The following MTMR4 variants were observed in gnomAD, a reference collection of about 807,000 sequenced individuals.
MTMR4 encodes the protein phosphatidylinositol-3,5-bisphosphate 3-phosphatase MTMR4.
In MTMR4, 30 loss-of-function variants were observed where a neutral mutation model predicts 125.5. That is an observed-to-expected ratio of 0.24 (90% confidence interval 0.18 to 0.32). MTMR4 has a LOEUF of 0.32. MTMR4 is among the 10% of genes least tolerant of loss of function. MTMR4 has a pLI of 1.00. For synonymous variants in MTMR4, 498 were observed against 564.5 expected (o/e 0.88, Z 1.67); for missense variants, 1,039 against 1,511.5 (o/e 0.69, Z 5.18).
chr17:58,515,054 G>C (rs1976051684), upstream of MTMR4: 1 of 985,328 alleles, frequency 1.0e-6, no homozygotes. Flanking sequence ...TTTCCCCTTA[G>C]AATGGTGCCA....
At chr17:58,497,616 G>A (rs550394690) in intron 14 of MTMR4, among the ~76,000 whole-genome samples, 1 of 152,310 alleles carries the variant, frequency 6.6e-6, no homozygotes, top group Non-Finnish European at 1.5e-5. Flanking sequence ...TCCCTCTACT[G>A]AAGTGTCCTG....
At chr17:58,503,938 C>A (rs2143890120) in intron 13 of MTMR4, 40 bp from the exon 14 acceptor site, 1 of 1,591,156 alleles carries the variant, frequency 6.3e-7, no homozygotes, top group East Asian at 2.2e-5. Flanking sequence ...GTCAAGAGTT[C>A]CTTGTCCTTT....
rs1361185986 is a variant in MTMR4, at chr17:58,491,119, T to G, written c.*544A>C. On this transcript the variant is annotated 3_prime_UTR_variant, in exon 18 of 18. Transcript: ENST00000682306. ...TGCTGAGCCAGTCTTCAAACCAAAC[T>G]CCACAGAAAGACAGTACTAATGCAA... 1 of 152,550 alleles carries G rather than the reference T, an allele frequency of 6.6e-6. No homozygotes were observed. Among genetic ancestry groups the G allele is most frequent in the Non-Finnish European group, 1.5e-5 (1 of 68,070 alleles). The allele number at this position is 152,550 out of a possible 1,614,324, so 9.4% of individuals were successfully genotyped here.
intron 14 of MTMR4, 77 bp from the exon 15 acceptor site, chr17:58,496,407 G>T: frequency 8.2e-7 from 1 of 1,222,052 alleles, no homozygotes; most frequent in Non-Finnish European, 1.1e-6. Flanking sequence ...AATCAATGGA[G>T]CAATATCAAA....
At position 58,497,400 on chromosome 17, in the gene MTMR4, T is replaced by C. The variant is rs201354388; in HGVS notation, c.1854-1070A>G. On this transcript the variant is annotated intron_variant, in intron 14 of 17. Transcript: ENST00000682306. ...TATCATTATAGTTCCTGGAGTCCCA[T>C]AGGCAGGGTTCAAATCCCAATTTAA... is the stretch of plus-strand genomic sequence containing the variant. Among the ~76,000 whole-genome samples the C allele has an allele frequency of 1.8e-4, 28 of 152,328 alleles. No individual in the cohort carries two copies. The East Asian group carries it at 5.4e-3, about 29-fold the overall frequency.
chr17:58,499,739 C>G (rs1975569895), intron 14 of MTMR4, among the ~76,000 whole-genome samples: 1 of 151,814 alleles, frequency 6.6e-6, no homozygotes, highest in South Asian at 2.1e-4. Context: ...TCTCCTGCCT[C>G]AGCCTCCAGA....
upstream of MTMR4, among the ~76,000 whole-genome samples, chr17:58,517,118 C>G (rs2042028380): frequency 6.6e-6 from 1 of 152,196 alleles, no homozygotes. Flanking sequence ...CAGAGTGGGA[C>G]AAGAGGGAGG....
In MTMR4 at chr17:58,504,188, G is replaced by A. The variant is rs761733559; in HGVS notation, c.1560C>T (p.Leu520=). 4 of 1,610,288 alleles carry A rather than the reference G, an allele frequency of 2.5e-6. No individual in the cohort carries two copies. The highest frequency in any genetic ancestry group is 2.2e-5 in the South Asian group (2 of 90,510). ...VKLVQHTYSC[L]YGTFLANNPC... ...GGTTGTTGGCCAGGAAGGTGCCGTA[G>A]AGGCAGGAGTATGTGTGTTGCACCA... is the stretch of plus-strand genomic sequence containing the variant. Residue 520 remains leucine, a synonymous_variant, in exon 13 of 18, where the codon CTC becomes CTT. Coordinates refer to ENST00000682306, the MANE Select transcript of MTMR4 (RefSeq NM_001378067.1). This position sits in a 1 kb window ranked among gnomAD's most constrained non-coding sequence, Gnocchi z 7.1.
chr17:58,514,327 G>A (rs1976024319), intron 1 of MTMR4, 36 bp downstream of exon 1: 3 of 987,982 alleles, frequency 3.0e-6, no homozygotes, highest in Non-Finnish European at 2.4e-6. Context: ...GGCTGCGGGT[G>A]CCTCCTAGGC....
chr17:58,497,642 C>A (rs1367111075), intron 14 of MTMR4, among the ~76,000 whole-genome samples: 1 of 152,218 alleles, frequency 6.6e-6, no homozygotes, highest in African/African-American at 2.4e-5. Context: ...AGGACTCTGT[C>A]TTATTTGAAT....
Position 58,494,954 on chromosome 17 carries a change from G to C in MTMR4, c.3230C>G (p.Pro1077Arg), listed in dbSNP as rs1263368236. The C allele has an allele frequency of 6.2e-7, 1 of 1,613,954 alleles. No homozygotes were observed. Among genetic ancestry groups the C allele is most frequent in the Non-Finnish European group, 8.5e-7 (1 of 1,179,982 alleles). Residue 1077 changes from proline (P) to arginine (R), a missense_variant, in exon 15 of 18, where the codon CCC becomes CGC. This residue lies in a region of MTMR4 where 619 missense variants were observed against 714.5 expected (regional missense o/e 0.87). Transcript: ENST00000682306. ...RHCCAPPAEP[P>R]MDYEDDFTCL... ...TACAAAATCATCCTCATAGTCCATG[G>C]GGGGCTCTGCTGGAGGGGCACAGCA...
intron 14 of MTMR4, among the ~76,000 whole-genome samples, chr17:58,499,320 G>A (rs546429180): frequency 5.5e-4 from 83 of 151,430 alleles, no homozygotes; most frequent in African/African-American, 2.0e-3. Flanking sequence ...GCCAAGGTGA[G>A]CGGATCACTT....
In MTMR4 at chr17:58,504,652, G is replaced by GA. The variant is rs151135861; in HGVS notation, c.1341+126dup. The GA allele has an allele frequency of 6.8e-4, 892 of 1,318,864 alleles. 1 individual carries two copies. The highest frequency in any genetic ancestry group is 8.1e-4 in the South Asian group (54 of 66,702). 81.7% of individuals were successfully genotyped at this position (1,318,864 alleles called of 1,614,324 possible). A position where few individuals can be genotyped will look rare whatever the true frequency, so the allele number is the denominator to read the frequency against. ...CAATTTTCCAAGCCTTTGGGAGTTGGAAAAAAAAAGAAAAAAAGAGCCACC... is the reference window on the plus strand; with the variant it reads ...CAATTTTCCAAGCCTTTGGGAGTTGGAAAAAAAAAAGAAAAAAAGAGCCACC... On this transcript the variant is annotated intron_variant, in intron 11 of 17. Coordinates refer to ENST00000682306, the MANE Select transcript of MTMR4 (RefSeq NM_001378067.1). This position sits in a 1 kb window ranked among gnomAD's most constrained non-coding sequence, Gnocchi z 7.1.
At chr17:58,516,012 AAATT>A (rs568375445), upstream of MTMR4, among the ~76,000 whole-genome samples, 72 of 152,328 alleles carry the variant, frequency 4.7e-4, no homozygotes, top group African/African-American at 1.6e-3. Flanking sequence ...AGTTAATGGA[AAATT>A]AATAGGATCA....
intron 9 of MTMR4, 141 bp from the exon 10 acceptor site, chr17:58,505,724 A>G (rs1192651715): frequency 4.1e-6 from 2 of 482,728 alleles, no homozygotes; most frequent in Non-Finnish European, 7.9e-6. Flanking sequence ...CCTGACTAAC[A>G]CAGTGAAACC....
At position 58,504,747 on chromosome 17, in the gene MTMR4, T is replaced by G; in HGVS notation, c.1341+32A>C. 3 of 1,571,048 alleles carry G rather than the reference T, an allele frequency of 1.9e-6. No homozygotes were observed. Among genetic ancestry groups the G allele is most frequent in the Non-Finnish European group, 2.6e-6 (3 of 1,154,118 alleles). ...AACACCTTCCCTCCTGCCACATTCCTTCTGGTTTTCCCACCGAATTCCTCT... is the reference window on the plus strand; with the variant it reads ...AACACCTTCCCTCCTGCCACATTCCGTCTGGTTTTCCCACCGAATTCCTCT... On this transcript the variant is annotated intron_variant, in intron 11 of 17. Coordinates refer to ENST00000682306, the MANE Select transcript of MTMR4 (RefSeq NM_001378067.1). This position sits in a 1 kb window ranked among gnomAD's most constrained non-coding sequence, Gnocchi z 7.1.
intron 1 of MTMR4, among the ~76,000 whole-genome samples, chr17:58,513,788 C>A (rs1186298392): frequency 6.6e-6 from 1 of 151,938 alleles, no homozygotes; most frequent in African/African-American, 2.4e-5. Flanking sequence ...GGAGCATCAG[C>A]CAGAGCGGGA....
intron 9 of MTMR4, 103 bp downstream of exon 9, chr17:58,506,640 G>T: frequency 2.7e-6 from 4 of 1,457,084 alleles, no homozygotes; most frequent in Non-Finnish European, 3.7e-6. Context: ...TACAAGCCAG[G>T]TTTGTTTGGG....
chr17:58,514,559 G>GCTCCCGCGCGCCT lies in MTMR4; in HGVS notation c.-165_-153dup. On this transcript the variant is annotated 5_prime_UTR_variant, in exon 1 of 18. Transcript: ENST00000682306. ...GCGCTGGTGGCCGGGCCTCCGCGCGGCTCCCGCGCGCCTCTCCCCTCCTCT... is the reference window on the plus strand; with the variant it reads ...GCGCTGGTGGCCGGGCCTCCGCGCGGCTCCCGCGCGCCTCTCCCGCGCGCCTCTCCCCTCCTCT... 4.1e-6 allele frequency: 4 copies of GCTCCCGCGCGCCT among 985,156 alleles called. No individual in the cohort carries two copies. Among genetic ancestry groups the GCTCCCGCGCGCCT allele is most frequent in the Non-Finnish European group, 4.8e-6 (4 of 829,870 alleles). 61.0% of individuals were successfully genotyped at this position (985,156 alleles called of 1,614,324 possible).
Sources: gnomAD v4.1 joint callset for allele counts (sites outside exome capture counted in the v4.1 genomes callset) on GRCh38, gnomAD v4.1.1 for gene constraint, gnomAD v4.1.1 regional missense constraint, Gnocchi (gnomAD v3.1) non-coding constraint, MANE v1.5 for transcripts, NCBI Gene and HGNC (gene_info 2026-07-23, HGNC 2026-07-21) for gene names.